CLVS1: variants seen among roughly 807,000 people sequenced by gnomAD.
The protein encoded by CLVS1 is clavesin-1.
Under a neutral mutation model 33.1 loss-of-function variants are expected in CLVS1, and 10 were observed. That is an observed-to-expected ratio of 0.30 (90% CI 0.19 to 0.51). CLVS1 has a LOEUF of 0.51. CLVS1 is among the 20% of genes least tolerant of loss of function. The probability of loss-of-function intolerance (pLI) is 0.97; values close to 1 mark genes in which losing one functional copy is unlikely to be tolerated. For missense variants in CLVS1, 343 were observed against 433.4 expected (o/e 0.79, Z 1.85); for synonymous variants, 163 against 166.1 (o/e 0.98, Z 0.14).
intron 1 of CLVS1, among the ~76,000 whole-genome samples, chr8:61,294,580 C>G (rs968531775): frequency 1.3e-5 from 2 of 152,118 alleles, no homozygotes; most frequent in African/African-American, 2.4e-5. Context: ...TACCTCAGCA[C>G]TTCCCAGGGA....
intron 3 of CLVS1, among the ~76,000 whole-genome samples, chr8:61,406,662 C>T (rs1218605204): frequency 4.0e-5 from 6 of 151,796 alleles, no homozygotes; most frequent in Non-Finnish European, 7.4e-5. Flanking sequence ...GGCTGGTGTG[C>T]AGTGGCACAG....
Position 61,500,454 on chromosome 8 carries a change from C to G in CLVS1, c.*912C>G, listed in dbSNP as rs977129567. On this transcript the variant is annotated 3_prime_UTR_variant, in exon 6 of 6. Coordinates refer to ENST00000325897, the MANE Select transcript of CLVS1 (RefSeq NM_173519.3). ...AACCATTAAAGATGTGGAGAAAGAC[C>G]ATGGTTGTTGCTGAGAGGGTAAATA... is the stretch of plus-strand genomic sequence containing the variant. The G allele has an allele frequency of 2.0e-5, 3 of 152,170 alleles. No homozygotes were observed. Among genetic ancestry groups the G allele is most frequent in the Non-Finnish European group, 4.4e-5 (3 of 68,032 alleles). 9.4% of individuals were successfully genotyped at this position (152,170 alleles called of 1,614,324 possible). A position where few individuals can be genotyped will look rare whatever the true frequency, so the allele number is the denominator to read the frequency against.
chr8:61,259,067 T>C (rs1267685487), intron 2 of CLVS1, among the ~76,000 whole-genome samples: 1 of 152,238 alleles, frequency 6.6e-6, no homozygotes, highest in East Asian at 1.9e-4. Context: ...TACCACAGTA[T>C]TGTAGCAGGA....
At chr8:61,437,178 G>C (rs1816361613) in intron 3 of CLVS1, among the ~76,000 whole-genome samples, 2 of 152,140 alleles carry the variant, frequency 1.3e-5, no homozygotes, top group South Asian at 4.1e-4. Context: ...TTCTTCCCAG[G>C]AGCATGGCTA....
chr8:61,259,969 A>G (rs932695664), intron 2 of CLVS1, among the ~76,000 whole-genome samples: 5 of 152,306 alleles, frequency 3.3e-5, no homozygotes, highest in African/African-American at 1.2e-4. Flanking sequence ...ATAGCCCTGC[A>G]GTAACTCCAG....
chr8:61,352,474 C>T (rs937428588), intron 2 of CLVS1, among the ~76,000 whole-genome samples: 1 of 151,990 alleles, frequency 6.6e-6, no homozygotes. Context: ...GTCTAAGAGA[C>T]AGAGATTAGC....
chr8:61,328,398 G>A (rs1811463242), intron 2 of CLVS1, among the ~76,000 whole-genome samples: 2 of 152,196 alleles, frequency 1.3e-5, no homozygotes, highest in Non-Finnish European at 2.9e-5. Context: ...ATTGAAAGGT[G>A]AGGGTCAACT....
At chr8:61,028,794 C>T in the CLVS1 span, among the ~76,000 whole-genome samples, 1 of 152,206 alleles carries the variant, frequency 6.6e-6, no homozygotes, top group Non-Finnish European at 1.5e-5. Flanking sequence ...CAAAGATTCT[C>T]CAGCTGAGGT....
At chr8:61,458,770 A>G in intron 5 of CLVS1, 1 of 400,808 alleles carries the variant, frequency 2.5e-6, no homozygotes, top group Non-Finnish European at 4.4e-6. Context: ...AAAGGCTAGG[A>G]CTTCACTCAT....
intron 2 of CLVS1, among the ~76,000 whole-genome samples, chr8:61,225,099 T>TTGAGTTCAGGAGTTTGAGACCAGCCCGAC (rs1808299078): frequency 6.6e-6 from 1 of 152,146 alleles, no homozygotes; most frequent in African/African-American, 2.4e-5. Context: ...GGTGGATCGC[T>TTGAGTTCAGGAGTTTGAGACCAGCCCGAC]TGAGTTCAGG....
At chr8:61,044,755 C>T in the CLVS1 span, among the ~76,000 whole-genome samples, 1 of 152,152 alleles carries the variant, frequency 6.6e-6, no homozygotes, top group African/African-American at 2.4e-5. Context: ...ACCAGTACTG[C>T]CTCTGGCCAT....
intron 2 of CLVS1, among the ~76,000 whole-genome samples, chr8:61,223,975 G>A (rs1808276377): frequency 6.6e-6 from 1 of 150,444 alleles, no homozygotes; most frequent in Non-Finnish European, 1.5e-5. Flanking sequence ...TAATACTTAT[G>A]TATGCTTCAC....
intron 2 of CLVS1, among the ~76,000 whole-genome samples, chr8:61,365,768 TGTGTGTGC>T (rs1256090378): frequency 1.4e-5 from 2 of 141,178 alleles, no homozygotes; most frequent in African/African-American, 3.2e-5. Flanking sequence ...TGTGTGTGTG[TGTGTGTGC>T]GTGTGTGTGT....
chr8:61,009,189 G>C, the CLVS1 span, among the ~76,000 whole-genome samples: 1 of 143,058 alleles, frequency 7.0e-6, no homozygotes, highest in Non-Finnish European at 1.5e-5. Context: ...TTTTTTTTCT[G>C]AGATAGAGTC....
intron 5 of CLVS1, among the ~76,000 whole-genome samples, chr8:61,498,431 T>TAA (rs1804344292): frequency 2.0e-5 from 3 of 152,254 alleles, no homozygotes; most frequent in African/African-American, 7.2e-5. Context: ...CACATATATG[T>TAA]AAGTTTTACT....
At chr8:61,346,670 T>A (rs1003997645) in intron 2 of CLVS1, among the ~76,000 whole-genome samples, 1 of 152,160 alleles carries the variant, frequency 6.6e-6, no homozygotes, top group Non-Finnish European at 1.5e-5. Flanking sequence ...AGATAAAGTA[T>A]TCATTTGACA....
intron 2 of CLVS1, among the ~76,000 whole-genome samples, chr8:61,192,186 C>T (rs888859303): frequency 1.3e-5 from 2 of 152,146 alleles, no homozygotes; most frequent in Non-Finnish European, 2.9e-5. Flanking sequence ...GAGATATAGA[C>T]CAATGGAACA....
intron 2 of CLVS1, among the ~76,000 whole-genome samples, chr8:61,190,902 A>C (rs920506255): frequency 6.6e-6 from 1 of 152,210 alleles, no homozygotes; most frequent in Non-Finnish European, 1.5e-5. Context: ...AATCAAAAAA[A>C]GTCTAGGACC....
intron 2 of CLVS1, among the ~76,000 whole-genome samples, chr8:61,246,531 G>A (rs932446690): frequency 1.3e-5 from 2 of 151,806 alleles, no homozygotes; most frequent in Non-Finnish European, 2.9e-5. Flanking sequence ...ATCTCAAAAG[G>A]CATTATTATT....
Sources: gnomAD v4.1 joint callset for allele counts (sites outside exome capture counted in the v4.1 genomes callset) on GRCh38, gnomAD v4.1.1 for gene constraint, MANE v1.5 for transcripts, NCBI Gene and HGNC (gene_info 2026-07-23, HGNC 2026-07-21) for gene names.